RANBP2: variants seen among roughly 807,000 people sequenced by gnomAD.
The protein encoded by RANBP2 is RAN binding protein 2.
A neutral mutation model predicts 303.6 loss-of-function variants in RANBP2; 57 were observed. The observed-to-expected ratio is 0.19, with a 90% CI of 0.15 to 0.23. The LOEUF (loss-of-function observed/expected upper bound fraction) is 0.23. Ranked by LOEUF, RANBP2 falls within the 10% of genes least tolerant of loss-of-function variation. RANBP2 has a pLI of 1.00. For synonymous variants in RANBP2, 1,167 were observed against 1,301.5 expected (o/e 0.90, Z 2.23); for missense variants, 3,138 against 3,780.8 (o/e 0.83, Z 4.46).
the RANBP2 span, among the ~76,000 whole-genome samples, chr2:108,994,414 T>C: frequency 1.3e-5 from 2 of 152,226 alleles, no homozygotes; most frequent in African/African-American, 4.8e-5. Flanking sequence ...AGAATGGCTT[T>C]ACGAGCTTGA....
At chr2:108,889,527 T>C in the RANBP2 span, among the ~76,000 whole-genome samples, 1 of 152,092 alleles carries the variant, frequency 6.6e-6, no homozygotes, top group African/African-American at 2.4e-5. Flanking sequence ...GATCCCTTTA[T>C]CATTATATAA....
At chr2:108,979,382 C>A in the RANBP2 span, among the ~76,000 whole-genome samples, 1 of 152,118 alleles carries the variant, frequency 6.6e-6, no homozygotes, top group East Asian at 1.9e-4. Flanking sequence ...CCACCACTTC[C>A]CCCAGCCTGG....
At chr2:109,366,350 G>A in the RANBP2 span, among the ~76,000 whole-genome samples, 2 of 152,248 alleles carry the variant, frequency 1.3e-5, no homozygotes, top group Non-Finnish European at 2.9e-5. Context: ...TGTGTAGTTA[G>A]TGAGGAAGAT....
the RANBP2 span, among the ~76,000 whole-genome samples, chr2:109,213,416 G>T: frequency 6.6e-6 from 1 of 152,206 alleles, no homozygotes; most frequent in Admixed American, 6.5e-5. Context: ...CATTTTATTA[G>T]GGAAGAAAGT....
the RANBP2 span, among the ~76,000 whole-genome samples, chr2:109,725,698 A>T: frequency 1.3e-5 from 2 of 152,148 alleles, no homozygotes; most frequent in East Asian, 1.9e-4. Context: ...TCATATTTTT[A>T]TACTGCAAGT....
At chr2:109,259,837 A>C in the RANBP2 span, among the ~76,000 whole-genome samples, 256 of 152,270 alleles carry the variant, frequency 1.7e-3, 1 homozygote, top group Admixed American at 2.6e-3. Flanking sequence ...CTCTGAGAGC[A>C]TCTGGTGTTT....
chr2:109,027,379 T>C, the RANBP2 span, among the ~76,000 whole-genome samples: 8 of 151,936 alleles, frequency 5.3e-5, no homozygotes, highest in African/African-American at 7.3e-5. Context: ...TCTTGTTCCT[T>C]TGTGGAGTCT....
the RANBP2 span, among the ~76,000 whole-genome samples, chr2:109,557,182 T>C: frequency 6.6e-5 from 10 of 151,942 alleles, no homozygotes; most frequent in Non-Finnish European, 8.8e-5. Context: ...AAAAAAAATT[T>C]AAAAAAAATT....
the RANBP2 span, among the ~76,000 whole-genome samples, chr2:109,444,817 A>G: frequency 1.3e-5 from 2 of 152,232 alleles, no homozygotes; most frequent in Non-Finnish European, 2.9e-5. Flanking sequence ...AAACTCACAC[A>G]TAAGTTAGCC....
At chr2:109,201,221 T>G in the RANBP2 span, among the ~76,000 whole-genome samples, 1 of 152,252 alleles carries the variant, frequency 6.6e-6, no homozygotes, top group African/African-American at 2.4e-5. Flanking sequence ...GTTTTGCCTC[T>G]TCTGCACTTA....
the RANBP2 span, among the ~76,000 whole-genome samples, chr2:108,909,402 T>G: frequency 6.6e-6 from 1 of 151,354 alleles, no homozygotes; most frequent in Non-Finnish European, 1.5e-5. Flanking sequence ...ACACAGGATC[T>G]CCACACAGAT....
chr2:109,449,383 G>C, the RANBP2 span: 2 of 1,612,108 alleles, frequency 1.2e-6, 1 homozygote. Context: ...CCCAACGTCA[G>C]TGCCGCAAAC....
At chr2:109,494,276 T>A in the RANBP2 span, among the ~76,000 whole-genome samples, 1 of 148,544 alleles carries the variant, frequency 6.7e-6, no homozygotes, top group South Asian at 2.1e-4. Context: ...CAGGGGTCAT[T>A]GTACCCAGAG....
chr2:109,321,866 TCCC>T, the RANBP2 span, among the ~76,000 whole-genome samples: 1 of 152,182 alleles, frequency 6.6e-6, no homozygotes, highest in South Asian at 2.1e-4. Flanking sequence ...TCCAGTGGAT[TCCC>T]ACTGCTTACT....
At chr2:109,163,058 C>T in the RANBP2 span, among the ~76,000 whole-genome samples, 2 of 152,300 alleles carry the variant, frequency 1.3e-5, no homozygotes, top group South Asian at 4.1e-4. Flanking sequence ...GCACTGATCC[C>T]GCCAAATAGG....
the RANBP2 span, among the ~76,000 whole-genome samples, chr2:109,589,555 A>C: frequency 2.6e-5 from 4 of 152,098 alleles, no homozygotes; most frequent in Non-Finnish European, 5.9e-5. Flanking sequence ...AATAAAAATA[A>C]ATAAAAAGTA....
chr2:108,949,924 C>G, the RANBP2 span, among the ~76,000 whole-genome samples: 1 of 152,218 alleles, frequency 6.6e-6, no homozygotes. Context: ...GAGGCCAATG[C>G]CCTCATTTCC....
chr2:109,131,895 C>G, the RANBP2 span, among the ~76,000 whole-genome samples: 1 of 152,102 alleles, frequency 6.6e-6, no homozygotes, highest in South Asian at 2.1e-4. Flanking sequence ...AAGCAGGAGT[C>G]CCGCATGGTG....
chr2:109,066,574 T>C, the RANBP2 span, among the ~76,000 whole-genome samples: 304 of 152,224 alleles, frequency 2.0e-3, no homozygotes, highest in African/African-American at 6.5e-3. Flanking sequence ...AGAAACGCAG[T>C]TGGTGTCCGC....
Sources: allele counts gnomAD v4.1 joint callset (sites outside exome capture counted in the v4.1 genomes callset), GRCh38; gene constraint gnomAD v4.1.1; transcripts MANE v1.5; gene names NCBI Gene and HGNC (gene_info 2026-07-23, HGNC 2026-07-21).